Variants in PDZD2 observed in about 807,000 individuals in gnomAD.
PDZD2 encodes PDZ domain containing 2.
A neutral mutation model predicts 220.7 loss-of-function variants in PDZD2; 90 were observed. The observed-to-expected ratio is 0.41, with a 90% confidence interval of 0.34 to 0.49. PDZD2 has a LOEUF of 0.49. PDZD2 is among the 20% of genes least tolerant of loss of function. PDZD2 has a pLI of 0.28. For missense variants in PDZD2, 3,174 were observed against 3,608.5 expected (o/e 0.88, Z 3.08); for synonymous variants, 1,375 against 1,450.5 (o/e 0.95, Z 1.18).
intron 1 of PDZD2, among the ~76,000 whole-genome samples, chr5:31,652,837 C>A (rs570369416): frequency 6.6e-6 from 1 of 152,212 alleles, no homozygotes; most frequent in South Asian, 2.1e-4. Context: ...ATGGTGAAAC[C>A]CCACTTCTGC....
chr5:32,065,857 C>G (rs1740164605), intron 14 of PDZD2, among the ~76,000 whole-genome samples: 1 of 152,032 alleles, frequency 6.6e-6, no homozygotes, highest in East Asian at 1.9e-4. Context: ...AAAACCCTGT[C>G]TCTACTAAAA....
chr5:31,817,424 C>T, intron 2 of PDZD2, among the ~76,000 whole-genome samples: 1 of 149,638 alleles, frequency 6.7e-6, no homozygotes, highest in East Asian at 2.0e-4. Flanking sequence ...AATCCAGAGG[C>T]AGAGGCTGCA....
intron 6 of PDZD2, among the ~76,000 whole-genome samples, chr5:32,026,138 ATTTT>A (rs142134117): frequency 7.1e-6 from 1 of 140,288 alleles, no homozygotes; most frequent in Non-Finnish European, 1.5e-5. Flanking sequence ...GTTGACTACT[ATTTT>A]TTTTTTTTTT....
In PDZD2 at chr5:31,698,097, C is replaced by T. The variant is rs548125868; in HGVS notation, c.-361+58660C>T. On this transcript the variant is annotated intron_variant, in intron 1 of 24. Transcript: ENST00000438447. Reference sequence around the variant, plus strand: ...TTTTTTTTGTATTTTTTAGTAGAGACGGGGTTTCACCATGTTGGCCAGGAC... The same window carrying T: ...TTTTTTTTGTATTTTTTAGTAGAGATGGGGTTTCACCATGTTGGCCAGGAC... Among the ~76,000 whole-genome samples the T allele has an allele frequency of 1.2e-4, 18 of 148,340 alleles. No individual in the cohort carries two copies. In the South Asian group the frequency reaches 1.7e-3, roughly 14 times the overall value.
chr5:31,694,475 T>C (rs1747286294), intron 1 of PDZD2, among the ~76,000 whole-genome samples: 3 of 152,236 alleles, frequency 2.0e-5, no homozygotes. Flanking sequence ...TCTTCAGCCA[T>C]AGGGTGTCTT....
chr5:31,819,044 T>C (rs944541561), intron 2 of PDZD2, among the ~76,000 whole-genome samples: 2 of 152,218 alleles, frequency 1.3e-5, no homozygotes, highest in African/African-American at 4.8e-5. Context: ...CAGACCTCCA[T>C]TCTTTTGTCA....
intron 2 of PDZD2, among the ~76,000 whole-genome samples, chr5:31,868,103 T>G (rs1296711696): frequency 6.6e-6 from 1 of 152,178 alleles, no homozygotes; most frequent in East Asian, 1.9e-4. Flanking sequence ...CATGGTCACC[T>G]CTGTCTGACC....
chr5:31,779,368 A>C (rs1251434500), intron 1 of PDZD2, among the ~76,000 whole-genome samples: 4 of 143,032 alleles, frequency 2.8e-5, no homozygotes, highest in Non-Finnish European at 6.1e-5. Flanking sequence ...GAAAATTGTG[A>C]ATCTCTTTTT....
intron 2 of PDZD2, among the ~76,000 whole-genome samples, chr5:31,886,743 G>A (rs914032736): frequency 8.6e-5 from 13 of 151,396 alleles, no homozygotes; most frequent in African/African-American, 3.2e-4. Context: ...TGTCGCTCAG[G>A]CTGGAGTGCA....
intron 2 of PDZD2, among the ~76,000 whole-genome samples, chr5:31,923,187 CAG>C (rs1561089193): frequency 1.3e-5 from 2 of 152,106 alleles, no homozygotes; most frequent in African/African-American, 4.8e-5. Context: ...CCCAGCTACT[CAG>C]GGGGCAGAGG....
At chr5:31,647,322 C>G (rs906129996) in intron 1 of PDZD2, among the ~76,000 whole-genome samples, 13 of 152,206 alleles carry the variant, frequency 8.5e-5, no homozygotes, top group South Asian at 4.1e-4. Flanking sequence ...TGATGAGGTA[C>G]ATACTGTTAT....
chr5:31,658,443 T>C (rs1745635061), intron 1 of PDZD2, among the ~76,000 whole-genome samples: 1 of 152,174 alleles, frequency 6.6e-6, no homozygotes. Context: ...GCGTGTCTCC[T>C]CTCTTGCCTG....
chr5:32,092,289 AAAGCC>A, intron 20 of PDZD2, among the ~76,000 whole-genome samples: 1 of 148,094 alleles, frequency 6.8e-6, no homozygotes, highest in African/African-American at 2.5e-5. Flanking sequence ...AAAAAAAAAA[AAAGCC>A]AGGCCCAGTG....
In PDZD2 at chr5:32,083,105, C is replaced by A. The variant is rs1333790452; in HGVS notation, c.3683-4026C>A. 1.5e-4 allele frequency among the ~76,000 whole-genome samples: 22 copies of A among 151,362 alleles called. No individual in the cohort carries two copies. The highest frequency in any genetic ancestry group is 1.5e-3 in the Admixed American group (22 of 15,164). ...AATCAGCTAAGCCCAAGTGAAAAAC[C>A]TCTGTTAATATTTTGGTCTGTATCA... is the stretch of plus-strand genomic sequence containing the variant. On this transcript the variant is annotated intron_variant, in intron 19 of 24. Transcript: ENST00000438447. The surrounding 1 kb of genome is among the most constrained non-coding windows in gnomAD (Gnocchi z 4.1).
intron 1 of PDZD2, among the ~76,000 whole-genome samples, chr5:31,783,287 G>A (rs1022396921): frequency 2.6e-5 from 4 of 151,874 alleles, no homozygotes; most frequent in Non-Finnish European, 4.4e-5. Context: ...CTTAAGACTC[G>A]TGGGAAAGGA....
intron 2 of PDZD2, among the ~76,000 whole-genome samples, chr5:31,945,640 C>T (rs1382385604): frequency 1.3e-5 from 2 of 151,862 alleles, no homozygotes; most frequent in African/African-American, 4.8e-5. Flanking sequence ...GTTTTTCCCC[C>T]TTGTTCTCTT....
At chr5:31,677,565 G>A (rs184161004) in intron 1 of PDZD2, among the ~76,000 whole-genome samples, 2,168 of 59,412 alleles carry the variant, frequency 0.036, 954 homozygotes, top group African/African-American at 0.11. Flanking sequence ...GCAGTGAGCC[G>A]AGATTGCGCC....
At chr5:31,708,041 G>A (rs898815217) in intron 1 of PDZD2, among the ~76,000 whole-genome samples, 3 of 152,148 alleles carry the variant, frequency 2.0e-5, no homozygotes, top group African/African-American at 4.8e-5. Flanking sequence ...AGCAGCTCCC[G>A]GGCCCTCATT....
chr5:31,641,126 G>A (rs1162120515), intron 1 of PDZD2, among the ~76,000 whole-genome samples: 1 of 152,118 alleles, frequency 6.6e-6, no homozygotes, highest in Non-Finnish European at 1.5e-5. Context: ...TGGAGGCTGA[G>A]GAGGCTTCGA....
Sources: gnomAD v4.1 joint callset for allele counts (sites outside exome capture counted in the v4.1 genomes callset) on GRCh38, gnomAD v4.1.1 for gene constraint, Gnocchi (gnomAD v3.1) non-coding constraint, MANE v1.5 for transcripts, NCBI Gene and HGNC (gene_info 2026-07-23, HGNC 2026-07-21) for gene names.